Variants in ARHGAP6 observed in about 807,000 individuals in gnomAD.
ARHGAP6 encodes the protein rho GTPase-activating protein 6.
In ARHGAP6, 16 loss-of-function variants were observed where a neutral mutation model predicts 55.7. The observed-to-expected ratio is 0.29, with a 90% CI of 0.19 to 0.44. The LOEUF is 0.44. ARHGAP6 is among the 20% of genes least tolerant of loss of function. The pLI is 1.00. For missense variants in ARHGAP6, 698 were observed against 808.9 expected, an observed-to-expected ratio of 0.86 and a Z score of 1.66; for synonymous variants, 382 against 360.9, an observed-to-expected ratio of 1.06 and a Z score of -0.66.
intron 1 of ARHGAP6, among the ~76,000 whole-genome samples, chrX:11,323,814 G>A (rs550315122): frequency 5.8e-4 from 57 of 98,666 alleles, no homozygotes; most frequent in South Asian, 3.0e-3. Context: ...GCAGTGAGCC[G>A]AGATCGCACC....
chrX:11,585,398 G>A (rs1357371770), intron 1 of ARHGAP6, among the ~76,000 whole-genome samples: 1 of 112,536 alleles, frequency 8.9e-6, no homozygotes, highest in South Asian at 3.7e-4. Flanking sequence ...CTCACCAGCA[G>A]TGTATAAGTG....
chrX:11,354,520 TA>T (rs777045645), intron 1 of ARHGAP6, among the ~76,000 whole-genome samples: 18 of 107,850 alleles, frequency 1.7e-4, no homozygotes, highest in Non-Finnish European at 3.4e-4. Context: ...GTAAACACAA[TA>T]ATACATAGTT....
intron 1 of ARHGAP6, among the ~76,000 whole-genome samples, chrX:11,397,691 C>T (rs113738766): frequency 9.0e-6 from 1 of 111,432 alleles, no homozygotes; most frequent in South Asian, 3.7e-4. Context: ...ACCCAGGCAA[C>T]ATGGTGAGAC....
chrX:11,231,169 G>A (rs1272567512), intron 2 of ARHGAP6, among the ~76,000 whole-genome samples: 1 of 112,102 alleles, frequency 8.9e-6, no homozygotes, highest in African/African-American at 3.2e-5. Flanking sequence ...GGTAAGACAG[G>A]TAACTTTAAT....
intron 1 of ARHGAP6, among the ~76,000 whole-genome samples, chrX:11,585,255 T>A (rs1377374615): frequency 8.9e-6 from 1 of 112,372 alleles, no homozygotes; most frequent in Admixed American, 9.4e-5. Context: ...TGTGTGTGTG[T>A]CTTTATAATA....
At chrX:11,660,539 A>C (rs1343355317) in intron 1 of ARHGAP6, among the ~76,000 whole-genome samples, 1 of 20,819 alleles carries the variant, frequency 4.8e-5, no homozygotes, top group African/African-American at 3.2e-4. Context: ...TCAAAAAAAA[A>C]AAAAAAAAAA....
chrX:11,442,542 C>T (rs1487239752), intron 1 of ARHGAP6, among the ~76,000 whole-genome samples: 2 of 111,897 alleles, frequency 1.8e-5, no homozygotes, highest in East Asian at 5.6e-4. Context: ...GAAGTTAAGA[C>T]TAAACAGAAA....
chrX:11,631,626 C>T (rs5979441), intron 1 of ARHGAP6, among the ~76,000 whole-genome samples: 36,507 of 110,132 alleles, frequency 0.33, 4,530 homozygotes, highest in African/African-American at 0.44. Flanking sequence ...TCACAAACTA[C>T]GGGCAAAGGG....
chrX:11,499,694 G>A (rs960715083), intron 1 of ARHGAP6, among the ~76,000 whole-genome samples: 1 of 112,063 alleles, frequency 8.9e-6, no homozygotes, highest in Non-Finnish European at 1.9e-5. Context: ...CTGGTTCCCA[G>A]TGTTAATGTT....
At chrX:11,300,524 T>C in intron 1 of ARHGAP6, 1 of 842,294 alleles carries the variant, frequency 1.2e-6, no homozygotes, top group Non-Finnish European at 1.8e-6. Context: ...TTGACAAAAC[T>C]GAAGCCAGAC....
intron 1 of ARHGAP6, among the ~76,000 whole-genome samples, chrX:11,480,972 A>G (rs1474034892): frequency 8.9e-6 from 1 of 112,223 alleles, no homozygotes; most frequent in Admixed American, 9.5e-5. Flanking sequence ...TTTTATTCAA[A>G]TAACTCACAA....
At chrX:11,657,175 C>A (rs2052647972) in intron 1 of ARHGAP6, among the ~76,000 whole-genome samples, 1 of 110,416 alleles carries the variant, frequency 9.1e-6, no homozygotes, top group African/African-American at 3.3e-5. Context: ...ACTCTGAGAC[C>A]CATCAAAGGT....
intron 2 of ARHGAP6, among the ~76,000 whole-genome samples, chrX:11,246,763 T>C (rs976598585): frequency 3.6e-5 from 4 of 111,968 alleles, no homozygotes; most frequent in Non-Finnish European, 5.6e-5. Flanking sequence ...CCCTATTTGG[T>C]GGTGTTTGCT....
intron 1 of ARHGAP6, among the ~76,000 whole-genome samples, chrX:11,421,567 A>T: frequency 8.9e-6 from 1 of 112,115 alleles, no homozygotes; most frequent in Non-Finnish European, 1.9e-5. Flanking sequence ...ATCATTAGAG[A>T]GTTTGGCTGA....
intron 1 of ARHGAP6, among the ~76,000 whole-genome samples, chrX:11,316,641 T>C (rs1037414420): frequency 8.9e-6 from 1 of 112,473 alleles, no homozygotes; most frequent in African/African-American, 3.2e-5. Flanking sequence ...TGTTGTACAA[T>C]AGATCTCTTG....
At chrX:11,646,370 CAG>C (rs2052527406) in intron 1 of ARHGAP6, among the ~76,000 whole-genome samples, 2 of 111,166 alleles carry the variant, frequency 1.8e-5, no homozygotes, top group Non-Finnish European at 3.8e-5. Flanking sequence ...CCCGGTGGAA[CAG>C]AGAGAAAAGG....
intron 1 of ARHGAP6, among the ~76,000 whole-genome samples, chrX:11,399,866 C>T (rs1031644872): frequency 2.1e-4 from 23 of 111,975 alleles, no homozygotes; most frequent in African/African-American, 3.6e-4. Context: ...CAAAATGTGG[C>T]GTACCCATAC....
At chrX:11,359,937 C>T (rs1269299492) in intron 1 of ARHGAP6, among the ~76,000 whole-genome samples, 1 of 111,419 alleles carries the variant, frequency 9.0e-6, no homozygotes, top group Non-Finnish European at 1.9e-5. Flanking sequence ...ACACATACAC[C>T]CTCCCAAGAC....
At chrX:11,478,511 A>C (rs771002004) in intron 1 of ARHGAP6, among the ~76,000 whole-genome samples, 1 of 112,297 alleles carries the variant, frequency 8.9e-6, no homozygotes, top group South Asian at 3.7e-4. Context: ...TTAGGATGGC[A>C]GTTGCCTCTG....
Sources: gnomAD v4.1 joint callset for allele counts (sites outside exome capture counted in the v4.1 genomes callset) on GRCh38, gnomAD v4.1.1 for gene constraint, MANE v1.5 for transcripts, NCBI Gene and HGNC (gene_info 2026-07-23, HGNC 2026-07-21) for gene names.